The following RNF144A variants were observed in gnomAD, a reference collection of about 807,000 sequenced individuals.
RNF144A encodes ring finger protein 144A.
Under a neutral mutation model 38.7 loss-of-function variants are expected in RNF144A, and 11 were observed. That is an observed-to-expected ratio of 0.28 (90% CI 0.18 to 0.47). RNF144A has a LOEUF of 0.47. Among genes scored for constraint, RNF144A ranks in the 20% least tolerant of loss-of-function variants. RNF144A has a pLI of 0.99. For missense variants in RNF144A, 316 were observed against 377.2 expected (o/e 0.84, Z 1.34); for synonymous variants, 149 against 143.9 (o/e 1.04, Z -0.25).
intron 8 of RNF144A, 42 bp downstream of exon 8, chr2:7,030,257 CTGTGTGTGTGTGTGTGTGTGTGTG>C (rs58324246): frequency 5.2e-5 from 38 of 724,932 alleles, no homozygotes; most frequent in Admixed American, 1.3e-4. Flanking sequence ...CAGAGAGAGA[CTGTGTGTGTGTGTGTGTGTGTGTG>C]TGTGTGTGTG....
rs1671452209 is a variant in RNF144A at position 7,020,558 on chromosome 2, C to A, written c.387C>A (p.Thr129=). 1 of 1,613,324 alleles carries A rather than the reference C, an allele frequency of 6.2e-7. No individual in the cohort carries two copies. The highest frequency in any genetic ancestry group is 1.3e-5 in the African/African-American group (1 of 74,902). Residue 129 remains threonine (T), a synonymous_variant, in exon 6 of 9, where the codon ACC becomes ACA. Transcript: ENST00000320892. ...VCQLQDVGLQ[T]PQPVQCKACR... ...AGCTCCAGGACGTGGGGCTGCAGAC[C>A]CCCCAGCCAGTGCAGTGCAAAGCCT... is the stretch of plus-strand genomic sequence containing the variant.
chr2:7,032,610 C>A (rs1249326924), intron 8 of RNF144A, among the ~76,000 whole-genome samples: 4 of 152,216 alleles, frequency 2.6e-5, no homozygotes, highest in Non-Finnish European at 5.9e-5. Flanking sequence ...TCACTGCAAT[C>A]CTCCGTCTTC....
At chr2:6,961,894 ATC>A (rs1489970084) in intron 2 of RNF144A, among the ~76,000 whole-genome samples, 2 of 152,038 alleles carry the variant, frequency 1.3e-5, no homozygotes, top group African/African-American at 4.8e-5. Context: ...GCATTTGAAA[ATC>A]TCTCTCTCAT....
Position 7,043,109 on chromosome 2 carries a change from C to A in RNF144A, c.*3349C>A. ...TCTCAAACTCCTGACCTCAGGTGAT[C>A]TGCCCACCTCGGCTTCCCAAAGTGC... is the stretch of plus-strand genomic sequence containing the variant. On this transcript the variant is annotated 3_prime_UTR_variant, in exon 9 of 9. Coordinates refer to ENST00000320892, the MANE Select transcript of RNF144A (RefSeq NM_014746.6). 1 of 831,042 alleles carries A rather than the reference C, an allele frequency of 1.2e-6. No individual in the cohort carries two copies. The highest frequency in any genetic ancestry group is 1.5e-6 in the Non-Finnish European group (1 of 689,360). The allele number at this position is 831,042 out of a possible 1,614,324, so 51.5% of individuals were successfully genotyped here.
Position 7,044,171 on chromosome 2 carries a change from T to A in RNF144A, c.*4411T>A. ...CTATTTTGGCTGGAATACAGGTGAC[T>A]TTTGTAAACCCCGCGTGGCTCCGTC... On this transcript the variant is annotated 3_prime_UTR_variant, in exon 9 of 9. Transcript: ENST00000320892. 1.0e-6 allele frequency: 1 copy of A among 985,690 alleles called. No individual in the cohort carries two copies. The highest frequency in any genetic ancestry group is 1.2e-6 in the Non-Finnish European group (1 of 829,940). 61.1% of individuals were successfully genotyped at this position (985,690 alleles called of 1,614,324 possible). A position where few individuals can be genotyped will look rare whatever the true frequency, so the allele number is the denominator to read the frequency against.
At chr2:6,959,207 G>A (rs1243348534) in intron 2 of RNF144A, among the ~76,000 whole-genome samples, 1 of 152,156 alleles carries the variant, frequency 6.6e-6, no homozygotes, top group Non-Finnish European at 1.5e-5. Flanking sequence ...AGGGAGTTCT[G>A]ATCTCAGGGT....
intron 4 of RNF144A, 30 bp downstream of exon 4, chr2:7,014,588 T>C: frequency 1.3e-6 from 2 of 1,554,316 alleles, no homozygotes; most frequent in Non-Finnish European, 1.8e-6. Context: ...CTGGGCTGTT[T>C]GATGTGCACA....
At position 7,002,561 on chromosome 2, in the gene RNF144A, A is replaced by G. The variant is rs534805435; in HGVS notation, c.135+5500A>G. ...GAGGGTGTTGGGGCATGATGGGTCC[A>G]GATTGAGAGGACTTTGCTAAGGTTT... On this transcript the variant is annotated intron_variant, in intron 3 of 8. Transcript: ENST00000320892. 2.4e-4 allele frequency among the ~76,000 whole-genome samples: 36 copies of G among 152,322 alleles called. No individual in the cohort carries two copies. In the South Asian group the frequency reaches 7.0e-3, roughly 30 times the overall value.
intron 2 of RNF144A, among the ~76,000 whole-genome samples, chr2:6,945,155 G>C (rs1666250533): frequency 6.6e-6 from 1 of 152,270 alleles, no homozygotes; most frequent in South Asian, 2.1e-4. Context: ...TTGATGGTCT[G>C]CTTTTGGCTA....
intron 6 of RNF144A, among the ~76,000 whole-genome samples, chr2:7,056,771 C>G (rs913716166): frequency 1.3e-5 from 2 of 152,208 alleles, no homozygotes; most frequent in African/African-American, 4.8e-5. Flanking sequence ...CAGTTGTGGC[C>G]TTCTCTTCTC....
chr2:6,964,199 G>T (rs1296064944), intron 2 of RNF144A, among the ~76,000 whole-genome samples: 3 of 152,122 alleles, frequency 2.0e-5, no homozygotes, highest in African/African-American at 7.2e-5. Context: ...CATTTATGCA[G>T]CCAAAAAACA....
At chr2:6,919,465 A>T in intron 1 of RNF144A, among the ~76,000 whole-genome samples, 1 of 152,330 alleles carries the variant, frequency 6.6e-6, no homozygotes, top group South Asian at 2.1e-4. Context: ...AGGATAAATC[A>T]TGAAATCTTT....
At chr2:6,970,160 C>T (rs1667917896) in intron 2 of RNF144A, among the ~76,000 whole-genome samples, 1 of 152,122 alleles carries the variant, frequency 6.6e-6, no homozygotes. Flanking sequence ...TATGGTTTGG[C>T]TTTGTGTCCT....
intron 7 of RNF144A, 32 bp from the exon 8 acceptor site, chr2:7,030,094 G>A (rs780323566): frequency 4.7e-6 from 7 of 1,490,492 alleles, no homozygotes; most frequent in Non-Finnish European, 5.6e-6. Context: ...GGAACCACTC[G>A]TTCATGCCGT....
rs142533710 is a variant in RNF144A at position 7,041,375 on chromosome 2, T to C, written c.*1615T>C. ...TAGAAAAAACAGCGTCACCTCACTC[T>C]TCACCTGTCATGTTGATTTTCCTTA... On this transcript the variant is annotated 3_prime_UTR_variant, in exon 9 of 9. Transcript: ENST00000320892. The C allele has an allele frequency of 6.0e-4, 591 of 985,916 alleles. 7 individuals carry two copies. In the African/African-American group the frequency reaches 9.6e-3, roughly 16 times the overall value. The allele number at this position is 985,916 out of a possible 1,614,324, so 61.1% of individuals were successfully genotyped here.
chr2:6,990,111 G>A (rs946140671), intron 2 of RNF144A, among the ~76,000 whole-genome samples: 1 of 152,106 alleles, frequency 6.6e-6, no homozygotes, highest in Non-Finnish European at 1.5e-5. Flanking sequence ...GAATACCATT[G>A]ACCACGGGGC....
At position 6,988,625 on chromosome 2, in the gene RNF144A, G is replaced by T. The variant is rs74378441; in HGVS notation, c.-11-8291G>T. 5.5e-3 allele frequency among the ~76,000 whole-genome samples: 836 copies of T among 152,296 alleles called. 4 individuals are homozygous for T. The highest frequency in any genetic ancestry group is 0.019 in the African/African-American group (776 of 41,562). On this transcript the variant is annotated intron_variant, in intron 2 of 8. Coordinates refer to ENST00000320892, the MANE Select transcript of RNF144A (RefSeq NM_014746.6). ...TGTGGTCACCGTCAACACCATCCAT[G>T]TGTACAGTCACCCCGATGCCGTCGG...
intron 2 of RNF144A, among the ~76,000 whole-genome samples, chr2:6,994,876 G>C (rs1669620116): frequency 6.6e-6 from 1 of 151,962 alleles, no homozygotes; most frequent in South Asian, 2.1e-4. Context: ...CAGATCCCGG[G>C]CGGTCTTCAG....
intron 3 of RNF144A, among the ~76,000 whole-genome samples, chr2:7,012,613 C>T (rs926493685): frequency 2.0e-5 from 3 of 152,180 alleles, no homozygotes; most frequent in African/African-American, 7.2e-5. Context: ...TCTAGTAGTC[C>T]GCAGCGCCAC....
Sources: allele counts gnomAD v4.1 joint callset (sites outside exome capture counted in the v4.1 genomes callset), GRCh38; gene constraint gnomAD v4.1.1; transcripts MANE v1.5; gene names NCBI Gene and HGNC (gene_info 2026-07-23, HGNC 2026-07-21).